DNAH12: variants seen among roughly 807,000 people sequenced by gnomAD.
DNAH12 encodes axonemal beta dynein heavy chain 12.
In DNAH12, 285 loss-of-function variants were observed where a neutral mutation model predicts 371.5. The ratio of observed to expected loss-of-function variants is 0.77; its 90% confidence interval spans 0.70 to 0.85. The LOEUF is 0.85. Among genes scored for constraint, DNAH12 ranks in the 40% least tolerant of loss-of-function variants. The pLI is 0.00. For synonymous variants in DNAH12, 1,200 were observed against 1,213.0 expected (o/e 0.99, Z 0.22); for missense variants, 3,611 against 3,689.4 (o/e 0.98, Z 0.55).
chr3:57,327,623 G>C (rs2061982589), intron 62 of DNAH12, among the ~76,000 whole-genome samples: 1 of 151,538 alleles, frequency 6.6e-6, no homozygotes, highest in Non-Finnish European at 1.5e-5. Context: ...ATCTAAAATT[G>C]ACACCCTAAC....
intron 55 of DNAH12, among the ~76,000 whole-genome samples, chr3:57,374,253 A>T: frequency 6.6e-6 from 1 of 152,306 alleles, no homozygotes; most frequent in African/African-American, 2.4e-5. Context: ...AAAATGGGAT[A>T]ATAATAATAC....
chr3:57,334,651 A>G, intron 61 of DNAH12, 42 bp from the exon 62 acceptor site: 1 of 1,520,374 alleles, frequency 6.6e-7, no homozygotes. Flanking sequence ...TTATTGGGAA[A>G]AACTTAAAAG....
intron 17 of DNAH12, among the ~76,000 whole-genome samples, chr3:57,468,263 G>T (rs2066262533): frequency 2.0e-5 from 3 of 152,110 alleles, no homozygotes; most frequent in Admixed American, 2.0e-4. Context: ...TTGAGCCTAG[G>T]AGTCTGAGGC....
At position 57,408,365 on chromosome 3, in the gene DNAH12, G is replaced by A. The variant is rs1559625182; in HGVS notation, c.6191C>T (p.Ser2064Phe). 1 of 1,551,586 alleles carries A rather than the reference G, an allele frequency of 6.4e-7. No individual in the cohort carries two copies. The highest frequency in any genetic ancestry group is 8.7e-7 in the Non-Finnish European group (1 of 1,146,914). Residue 2064 changes from serine (S) to phenylalanine (F), a missense_variant, in exon 40 of 74, where the codon TCT becomes TTT. By Grantham distance (155) the Ser-to-Phe change is radical. Transcript: ENST00000495027. Reference protein sequence around the residue: ...SDETMVRIFSSIVAFYLRTHE... With the variant: ...SDETMVRIFSFIVAFYLRTHE... ...AGTTCTAAGGTAGAATGCTACAATA[G>A]ATGAGAAGATTCGGACCATAGTTTC...
rs2065415834 is a variant in DNAH12 at position 57,444,578 on chromosome 3, C to A, written c.4545+119G>T. 3 of 1,422,308 alleles carry A rather than the reference C, an allele frequency of 2.1e-6. No individual in the cohort carries two copies. The Admixed American group carries it at 7.4e-5, about 35-fold the overall frequency. The allele number at this position is 1,422,308 out of a possible 1,614,324, so 88.1% of individuals were successfully genotyped here. A position where few individuals can be genotyped will look rare whatever the true frequency, so the allele number is the denominator to read the frequency against. On this transcript the variant is annotated intron_variant, in intron 29 of 73. Coordinates refer to ENST00000495027, the MANE Select transcript of DNAH12 (RefSeq NM_001366028.2). Reference sequence around the variant, plus strand: ...ACTTATTGTTATTAACTAAAGTGGACAAAATAGGGGATTTTCCTCAAAACA... The same window carrying A: ...ACTTATTGTTATTAACTAAAGTGGAAAAAATAGGGGATTTTCCTCAAAACA...
chr3:57,376,949 C>G (rs1363553676), intron 53 of DNAH12, 32 bp downstream of exon 53: 2 of 152,254 alleles, frequency 1.3e-5, no homozygotes, highest in East Asian at 3.9e-4. Context: ...GCTGACATTC[C>G]TAAATCTTGC....
intron 65 of DNAH12, among the ~76,000 whole-genome samples, chr3:57,321,162 G>A (rs2061796515): frequency 6.6e-6 from 1 of 152,010 alleles, no homozygotes; most frequent in Non-Finnish European, 1.5e-5. Context: ...TCTAATTGCA[G>A]GAGCTCAAAC....
At chr3:57,443,909 AAT>A (rs1288332774) in intron 29 of DNAH12, among the ~76,000 whole-genome samples, 4 of 152,284 alleles carry the variant, frequency 2.6e-5, no homozygotes, top group African/African-American at 7.2e-5. Context: ...TAGAAAATAA[AAT>A]ATTTTTTCTC....
At chr3:57,304,703 T>C (rs2061433057) in intron 69 of DNAH12, among the ~76,000 whole-genome samples, 1 of 152,124 alleles carries the variant, frequency 6.6e-6, no homozygotes, top group Admixed American at 6.5e-5. Context: ...CCTGCCTTGG[T>C]CCTTCACCCT....
intron 14 of DNAH12, 22 bp downstream of exon 14, chr3:57,472,524 A>C: frequency 6.5e-7 from 1 of 1,535,552 alleles, no homozygotes; most frequent in Non-Finnish European, 8.8e-7. Context: ...TTACAAAAAT[A>C]CATACTGAAA....
chr3:57,360,225 G>A (rs2062894041), intron 58 of DNAH12, among the ~76,000 whole-genome samples: 1 of 151,960 alleles, frequency 6.6e-6, no homozygotes, highest in South Asian at 2.1e-4. Flanking sequence ...CCCAGACTGG[G>A]GGCTGCCACA....
chr3:57,397,168 TAATG>T (rs1483789014), intron 43 of DNAH12, among the ~76,000 whole-genome samples: 1 of 151,814 alleles, frequency 6.6e-6, no homozygotes, highest in Non-Finnish European at 1.5e-5. Context: ...ATCAGCAAGA[TAATG>T]GGCTAGGAAG....
At chr3:57,314,239 C>T (rs1249036936) in intron 66 of DNAH12, among the ~76,000 whole-genome samples, 2 of 152,122 alleles carry the variant, frequency 1.3e-5, no homozygotes, top group African/African-American at 2.4e-5. Context: ...CAACCAAACC[C>T]AGAGTGTGTC....
At chr3:57,505,918 A>T (rs931571702) in intron 8 of DNAH12, among the ~76,000 whole-genome samples, 3 of 150,472 alleles carry the variant, frequency 2.0e-5, no homozygotes, top group Non-Finnish European at 3.0e-5. Context: ...CTAATTTTTA[A>T]TTTTTTTTCT....
chr3:57,416,208 C>A (rs1035880039), intron 37 of DNAH12, among the ~76,000 whole-genome samples: 1 of 152,120 alleles, frequency 6.6e-6, no homozygotes, highest in Non-Finnish European at 1.5e-5. Context: ...CTCAGCTTCC[C>A]AAGTAGCTAG....
upstream of DNAH12, chr3:57,548,770 C>T (rs1462015376): frequency 6.6e-6 from 1 of 152,030 alleles, no homozygotes; most frequent in African/African-American, 2.4e-5. Flanking sequence ...AAAAGAAGAT[C>T]ATAGGTCACT....
chr3:57,460,024 T>C (rs1227214157), intron 19 of DNAH12, among the ~76,000 whole-genome samples: 3 of 152,106 alleles, frequency 2.0e-5, no homozygotes, highest in Admixed American at 6.6e-5. Context: ...ACCAGTTTCC[T>C]AATTTCTCGG....
chr3:57,422,545 G>T lies in DNAH12; in HGVS notation c.5374-839C>A, dbSNP rs546847601. On this transcript the variant is annotated intron_variant, in intron 35 of 73. Transcript: ENST00000495027. ...TGGCTGGGTACAGTGGTTCACACCT[G>T]TAATCCCAGAGCTTTGGAAGGCCAA... Among the ~76,000 whole-genome samples the T allele has an allele frequency of 3.9e-5, 6 of 152,284 alleles. 1 individual carries two copies. The South Asian group carries it at 1.2e-3, about 32-fold the overall frequency.
intron 21 of DNAH12, 27 bp downstream of exon 21, chr3:57,458,072 T>C (rs1439135640): frequency 6.5e-7 from 1 of 1,537,576 alleles, no homozygotes; most frequent in African/African-American, 1.4e-5. Flanking sequence ...TGTTTTTAAT[T>C]ACAGCACAAT....
Sources: allele counts gnomAD v4.1 joint callset (sites outside exome capture counted in the v4.1 genomes callset), GRCh38; gene constraint gnomAD v4.1.1; transcripts MANE v1.5; gene names NCBI Gene and HGNC (gene_info 2026-07-23, HGNC 2026-07-21).